PUDP: variants seen among roughly 807,000 people sequenced by gnomAD.
PUDP encodes pseudouridine 5'-phosphatase.
In PUDP, 8 loss-of-function variants were observed where a neutral mutation model predicts 9.4. The observed-to-expected ratio is 0.85, with a 90% CI of 0.50 to 1.53. The LOEUF (loss-of-function observed/expected upper bound fraction) is 1.53. Ranked by LOEUF, PUDP falls within the 40% of genes most tolerant of loss-of-function variation. The pLI is 0.00. For missense variants in PUDP, 188 were observed against 189.7 expected, an observed-to-expected ratio of 0.99 and a Z score of 0.05; for synonymous variants, 99 against 80.7, an observed-to-expected ratio of 1.23 and a Z score of -1.22.
chrX:6,964,783 A>G (rs766819034), intron 3 of PUDP, among the ~76,000 whole-genome samples: 1 of 112,201 alleles, frequency 8.9e-6, no homozygotes, highest in Non-Finnish European at 1.9e-5. Flanking sequence ...AAGGTCAAAT[A>G]AGATACGATC....
intron 3 of PUDP, among the ~76,000 whole-genome samples, chrX:6,837,795 T>C (rs1377067948): frequency 1.8e-5 from 2 of 110,869 alleles, no homozygotes; most frequent in African/African-American, 6.6e-5. Context: ...GGCTAGAAAT[T>C]GGCCTTCATG....
At chrX:6,751,589 A>G (rs1925085640) in intron 3 of PUDP, among the ~76,000 whole-genome samples, 2 of 111,623 alleles carry the variant, frequency 1.8e-5, no homozygotes, top group Admixed American at 9.6e-5. Context: ...CCTATTAGGT[A>G]AGGAGAATCT....
At chrX:6,997,693 G>A (rs1368323441) in intron 1 of PUDP, among the ~76,000 whole-genome samples, 2 of 112,122 alleles carry the variant, frequency 1.8e-5, no homozygotes, top group Non-Finnish European at 3.8e-5. Flanking sequence ...GCAAGAAGAT[G>A]GGGTGTTGGG....
At chrX:6,922,380 C>T (rs918487289) in intron 3 of PUDP, among the ~76,000 whole-genome samples, 3 of 110,988 alleles carry the variant, frequency 2.7e-5, no homozygotes, top group African/African-American at 9.8e-5. Flanking sequence ...TATATGCATC[C>T]ACTATATACC....
intron 2 of PUDP, among the ~76,000 whole-genome samples, chrX:7,101,385 T>C (rs1444286494): frequency 2.7e-5 from 3 of 111,759 alleles, no homozygotes; most frequent in Non-Finnish European, 5.6e-5. Context: ...TTTGAAGAAC[T>C]AGCTCCTGGC....
chrX:6,831,745 CTG>C (rs1468311710), intron 3 of PUDP, among the ~76,000 whole-genome samples: 1 of 111,672 alleles, frequency 9.0e-6, no homozygotes, highest in Non-Finnish European at 1.9e-5. Context: ...AGCATTTTAC[CTG>C]TAGATTTGCA....
chrX:6,776,196 C>T (rs1925457082), intron 3 of PUDP, among the ~76,000 whole-genome samples: 1 of 110,837 alleles, frequency 9.0e-6, no homozygotes, highest in South Asian at 3.9e-4. Flanking sequence ...CAATGGGGTG[C>T]CTGAACCCAT....
At chrX:6,754,470 A>T (rs2146671948) in intron 3 of PUDP, among the ~76,000 whole-genome samples, 1 of 110,515 alleles carries the variant, frequency 9.0e-6, no homozygotes, top group African/African-American at 3.3e-5. Flanking sequence ...ATAAATAATT[A>T]TATGTAAATT....
chrX:6,933,318 C>G (rs1196958270), intron 3 of PUDP, among the ~76,000 whole-genome samples: 1 of 111,180 alleles, frequency 9.0e-6, no homozygotes, highest in African/African-American at 3.3e-5. Context: ...CAGCAGCATT[C>G]GCGGCTCACG....
chrX:7,040,708 C>G (rs947041146), intron 1 of PUDP, among the ~76,000 whole-genome samples: 1 of 111,614 alleles, frequency 9.0e-6, no homozygotes, highest in African/African-American at 3.3e-5. Flanking sequence ...GAAAGGCCCC[C>G]GACAGCTCAG....
At chrX:6,954,006 C>T (rs1252603102) in intron 3 of PUDP, among the ~76,000 whole-genome samples, 2 of 110,040 alleles carry the variant, frequency 1.8e-5, no homozygotes, top group Non-Finnish European at 3.8e-5. Context: ...ACTTCCCTTT[C>T]CCACTTCCCA....
chrX:6,901,391 G>A (rs144645149), intron 3 of PUDP, among the ~76,000 whole-genome samples: 1,126 of 112,234 alleles, frequency 0.01, 12 homozygotes, highest in Non-Finnish European at 0.015. Context: ...AACGATCAAA[G>A]ATAGGTTTCT....
intron 3 of PUDP, among the ~76,000 whole-genome samples, chrX:6,778,152 C>G (rs756189806): frequency 1.8e-5 from 2 of 111,981 alleles, no homozygotes; most frequent in East Asian, 5.6e-4. Context: ...GACTGCTCAT[C>G]AGAGCAGAAG....
chrX:6,868,213 T>C (rs1264489261), intron 3 of PUDP, among the ~76,000 whole-genome samples: 1 of 111,549 alleles, frequency 9.0e-6, no homozygotes, highest in African/African-American at 3.3e-5. Flanking sequence ...ATAACAGCTA[T>C]ATACACTAAA....
rs111805749 is a variant in PUDP at position 7,101,426 on chromosome X, T to C, written c.280+4194A>G. Among the ~76,000 whole-genome samples, 443 of 111,406 alleles carry C rather than the reference T, an allele frequency of 4.0e-3. 2 individuals carry two copies. The highest frequency in any genetic ancestry group is 0.014 in the African/African-American group (429 of 30,255). Reference sequence around the variant, plus strand: ...GTTCACCTTCTATGAGTTTCTATGATTGGCACCTTACTTAATCTGATACCT... The same window carrying C: ...GTTCACCTTCTATGAGTTTCTATGACTGGCACCTTACTTAATCTGATACCT... On this transcript the variant is annotated intron_variant, in intron 2 of 3. Coordinates refer to ENST00000381077, the MANE Select transcript of PUDP (RefSeq NM_012080.5).
intron 3 of PUDP, among the ~76,000 whole-genome samples, chrX:6,771,891 T>TA (rs1169780534): frequency 8.9e-6 from 1 of 112,389 alleles, no homozygotes; most frequent in Admixed American, 9.4e-5. Context: ...ACTTTATTTA[T>TA]AAAACCAGGT....
intron 2 of PUDP, among the ~76,000 whole-genome samples, chrX:7,098,210 G>C (rs1363157150): frequency 8.9e-6 from 1 of 112,342 alleles, no homozygotes; most frequent in Non-Finnish European, 1.9e-5. Context: ...AAATATCTGG[G>C]ACTGGACACT....
intron 3 of PUDP, among the ~76,000 whole-genome samples, chrX:6,820,286 A>T (rs1037069548): frequency 9.0e-6 from 1 of 110,817 alleles, no homozygotes; most frequent in African/African-American, 3.3e-5. Context: ...TGGGAGATAC[A>T]ATTCAAGCTG....
At chrX:7,019,535 G>A (rs1410603741) in intron 1 of PUDP, among the ~76,000 whole-genome samples, 1 of 111,446 alleles carries the variant, frequency 9.0e-6, no homozygotes, top group African/African-American at 3.3e-5. Context: ...CAGAGAGTCT[G>A]ACATCTTTAA....
Sources: gnomAD v4.1 joint callset for allele counts (sites outside exome capture counted in the v4.1 genomes callset) on GRCh38, gnomAD v4.1.1 for gene constraint, MANE v1.5 for transcripts, NCBI Gene and HGNC (gene_info 2026-07-23, HGNC 2026-07-21) for gene names.